PLA2G6: variants seen among roughly 807,000 people sequenced by gnomAD.
The protein encoded by PLA2G6 is 85/88 kDa calcium-independent phospholipase A2.
PLA2G6 carries 62 observed loss-of-function variants against 83.8 expected under a neutral mutation model. That is an observed-to-expected ratio of 0.74 (90% CI 0.60 to 0.91). PLA2G6 has a LOEUF of 0.91. Ranked by LOEUF, PLA2G6 falls within the 40% of genes least tolerant of loss-of-function variation. The pLI is 0.00. For synonymous variants in PLA2G6, 417 were observed against 449.8 expected (o/e 0.93, Z 0.92); for missense variants, 944 against 1,102.0 (o/e 0.86, Z 2.03).
intron 12 of PLA2G6, among the ~76,000 whole-genome samples, chr22:38,117,356 C>T (rs910893016): frequency 1.1e-4 from 16 of 152,030 alleles, no homozygotes; most frequent in African/African-American, 2.4e-4. Flanking sequence ...TACAGGCGCC[C>T]GCCACCACGC....
At chr22:38,179,892 A>G (rs1452854358) in intron 1 of PLA2G6, among the ~76,000 whole-genome samples, 1 of 152,082 alleles carries the variant, frequency 6.6e-6, no homozygotes, top group Non-Finnish European at 1.5e-5. Context: ...TGGACTGGGG[A>G]TATAAATTTG....
chr22:38,118,413 A>T (rs915381280), intron 12 of PLA2G6, among the ~76,000 whole-genome samples: 3 of 152,118 alleles, frequency 2.0e-5, no homozygotes, highest in Non-Finnish European at 2.9e-5. Context: ...ATGACTCCAT[A>T]TTCGTTTCTT....
intron 1 of PLA2G6, among the ~76,000 whole-genome samples, chr22:38,180,044 C>T (rs1178953665): frequency 1.3e-5 from 2 of 152,040 alleles, no homozygotes; most frequent in Non-Finnish European, 2.9e-5. Flanking sequence ...GGGAGCCACC[C>T]TCTACAAAGT....
chr22:38,178,806 C>T (rs757548968), intron 1 of PLA2G6, among the ~76,000 whole-genome samples: 10 of 152,116 alleles, frequency 6.6e-5, no homozygotes, highest in Non-Finnish European at 1.5e-4. Flanking sequence ...GCGGAGGCTG[C>T]AGTGAGCTGA....
At chr22:38,160,531 T>G (rs1181431908) in intron 2 of PLA2G6, among the ~76,000 whole-genome samples, 2 of 152,152 alleles carry the variant, frequency 1.3e-5, no homozygotes, top group Non-Finnish European at 2.9e-5. Flanking sequence ...AACAAAATGC[T>G]AACAAAGAAG....
intron 2 of PLA2G6, 45 bp from the exon 3 acceptor site, chr22:38,145,698 G>A (rs747806279): frequency 8.0e-6 from 11 of 1,382,282 alleles, no homozygotes; most frequent in East Asian, 2.3e-5. Context: ...TGAGTAAGGC[G>A]GGACCCTCGG....
At chr22:38,148,609 C>T (rs752899706) in intron 2 of PLA2G6, 1 of 713,784 alleles carries the variant, frequency 1.4e-6, no homozygotes, top group South Asian at 1.5e-5. Flanking sequence ...GACACAGGGA[C>T]TGGAGCCCAG....
At chr22:38,144,830 C>CATAAAATAAAATAAAATAAAATAAA in intron 3 of PLA2G6, 1 of 181,322 alleles carries the variant, frequency 5.5e-6, no homozygotes, top group African/African-American at 2.5e-5. Context: ...CATAACGTAA[C>CATAAAATAAAATAAAATAAAATAAA]ATAAAATAAA....
At chr22:38,176,185 T>C (rs554132866) in intron 1 of PLA2G6, among the ~76,000 whole-genome samples, 2 of 152,310 alleles carry the variant, frequency 1.3e-5, no homozygotes, top group East Asian at 1.9e-4. Flanking sequence ...GGCTTCGGTC[T>C]GGAAAGTTCA....
chr22:38,120,698 C>A (rs1440769243), intron 12 of PLA2G6, 61 bp downstream of exon 12: 1 of 1,594,904 alleles, frequency 6.3e-7, no homozygotes, highest in African/African-American at 1.3e-5. Flanking sequence ...AGCCCTCTGT[C>A]CCCAGGGAAC....
chr22:38,121,387 C>T (rs929830265), intron 11 of PLA2G6, among the ~76,000 whole-genome samples: 5 of 152,228 alleles, frequency 3.3e-5, no homozygotes, highest in Admixed American at 6.5e-5. Context: ...TGAAGCCCCA[C>T]GGCTCTGCAC....
Position 38,116,136 on chromosome 22 carries a change from T to G in PLA2G6, c.1818A>C (p.Glu606Asp), listed in dbSNP as rs777465788. The G allele has an allele frequency of 1.9e-6, 3 of 1,614,030 alleles. No homozygotes were observed. In the South Asian group the frequency reaches 3.3e-5, roughly 18 times the overall value. ...GGTTGAAACGAGGCTCCCGGACAGT[T>G]TCTGGAGCATCGTAGTTCCGGAAGA... ...LHLFRNYDAP[E>D]TVREPRFNQN... Residue 606 changes from glutamate (E) to aspartate (D), a missense_variant, in exon 13 of 17, where the codon GAA becomes GAC. Transcript: ENST00000332509.
chr22:38,126,099 G>C, intron 10 of PLA2G6: 1 of 514,022 alleles, frequency 1.9e-6, no homozygotes, highest in Non-Finnish European at 3.6e-6. Flanking sequence ...GGAGATCAGG[G>C]AGGGAGGCCA....
chr22:38,114,271 C>T (rs2087054888), intron 14 of PLA2G6, among the ~76,000 whole-genome samples: 1 of 151,958 alleles, frequency 6.6e-6, no homozygotes, highest in South Asian at 2.1e-4. Context: ...AGCTCCGCCT[C>T]CTGGGTTCAC....
intron 6 of PLA2G6, chr22:38,134,455 A>G (rs5756923): frequency 0.68 from 103,387 of 152,174 alleles, 35,997 homozygotes; most frequent in African/African-American, 0.84. Flanking sequence ...CCAGCTACTC[A>G]GGAGGCTGAG....
At chr22:38,162,135 G>A (rs1047950932) in intron 2 of PLA2G6, among the ~76,000 whole-genome samples, 3 of 151,214 alleles carry the variant, frequency 2.0e-5, no homozygotes, top group Admixed American at 1.3e-4. Context: ...CTTGAACCCC[G>A]GAGGTGGAGG....
In PLA2G6 at chr22:38,177,231, G is replaced by C. The variant is rs570387300; in HGVS notation, c.-46+4433C>G. Among the ~76,000 whole-genome samples, 13 of 152,124 alleles carry C rather than the reference G, an allele frequency of 8.5e-5. No individual in the cohort carries two copies. In the East Asian group the frequency reaches 2.1e-3, roughly 25 times the overall value. On this transcript the variant is annotated intron_variant, in intron 1 of 16. Coordinates refer to ENST00000332509, the MANE Select transcript of PLA2G6 (RefSeq NM_003560.4). The stretch of plus-strand genomic sequence containing the variant: ...CAGCAGGTGCTCAATCTGTGGGTGA[G>C]AAAACACTGAATGAACACAGGGGTC...
At chr22:38,112,378 G>T in intron 16 of PLA2G6, 73 bp from the exon 17 acceptor site, 27 of 1,567,190 alleles carry the variant, frequency 1.7e-5, no homozygotes, top group Non-Finnish European at 2.3e-5. Flanking sequence ...TAGGACCAGG[G>T]TGGGCTTGGG....
In PLA2G6 at chr22:38,160,301, G is replaced by A. The variant is rs147083900; in HGVS notation, c.209+8917C>T. Among the ~76,000 whole-genome samples the A allele has an allele frequency of 1.2e-4, 18 of 152,146 alleles. No individual in the cohort carries two copies. In the East Asian group the frequency reaches 3.5e-3, roughly 29 times the overall value. On this transcript the variant is annotated intron_variant, in intron 2 of 16. Coordinates refer to ENST00000332509, the MANE Select transcript of PLA2G6 (RefSeq NM_003560.4). Reference sequence around the variant, plus strand: ...ACTGCTGCTTGGAAAACAGACGGGCGGTATTATTTACTAACGTTGAAGACA... The same window carrying A: ...ACTGCTGCTTGGAAAACAGACGGGCAGTATTATTTACTAACGTTGAAGACA...
Sources: gnomAD v4.1 joint callset for allele counts (sites outside exome capture counted in the v4.1 genomes callset) on GRCh38, gnomAD v4.1.1 for gene constraint, MANE v1.5 for transcripts, NCBI Gene and HGNC (gene_info 2026-07-23, HGNC 2026-07-21) for gene names.